SYCP2: variants seen among roughly 807,000 people sequenced by gnomAD.
SYCP2 encodes the protein synaptonemal complex lateral element protein.
In SYCP2, 55 loss-of-function variants were observed where a neutral mutation model predicts 211.3. The observed-to-expected ratio is 0.26, with a 90% CI of 0.21 to 0.33. The LOEUF (loss-of-function observed/expected upper bound fraction) is 0.33. Among genes scored for constraint, SYCP2 ranks in the 10% least tolerant of loss-of-function variants. The pLI, the probability that SYCP2 is intolerant of heterozygous loss-of-function variation, is 1.00. For synonymous variants in SYCP2, 570 were observed against 555.2 expected (o/e 1.03, Z -0.37); for missense variants, 1,731 against 1,752.0 (o/e 0.99, Z 0.21).
chr20:59,892,473 A>T, intron 23 of SYCP2, 47 bp from the exon 24 acceptor site: 1 of 1,462,910 alleles, frequency 6.8e-7, no homozygotes, highest in Non-Finnish European at 9.2e-7. Flanking sequence ...TAATAAGTTG[A>T]CATATGTAAA....
At chr20:59,866,846 T>C (rs1228312982) in intron 39 of SYCP2, among the ~76,000 whole-genome samples, 1 of 151,496 alleles carries the variant, frequency 6.6e-6, no homozygotes, top group Non-Finnish European at 1.5e-5. Context: ...CACTCTACAG[T>C]ATTTACAAAA....
intron 31 of SYCP2, among the ~76,000 whole-genome samples, chr20:59,878,411 TTTC>T (rs1246647645): frequency 2.0e-5 from 3 of 152,130 alleles, no homozygotes; most frequent in Non-Finnish European, 2.9e-5. Context: ...CTGTAAAGTG[TTTC>T]TTATGATATG....
At position 59,866,496 on chromosome 20, in the gene SYCP2, T is replaced by G; in HGVS notation, c.4219A>C (p.Arg1407=). Reference sequence around the variant, plus strand: ...TCAGAACAGATTTTTATTACAGACCTAGAGTCCTGACTTTGATGATTCATT... The same window carrying G: ...TCAGAACAGATTTTTATTACAGACCGAGAGTCCTGACTTTGATGATTCATT... ...RTMNHQSQDS[R]IKKLDKFQFI... The change falls in exon 40 of 45, where the codon AGG becomes CGG. Residue 1407 remains arginine (R), a splice_region_variant and synonymous_variant. Coordinates refer to ENST00000357552, the MANE Select transcript of SYCP2 (RefSeq NM_014258.4). 3.7e-6 allele frequency: 6 copies of G among 1,607,520 alleles called. 1 individual carries two copies. Among genetic ancestry groups the G allele is most frequent in the Middle Eastern group, 1.7e-4 (1 of 6,032 alleles).
rs61741892 is a variant in SYCP2 at position 59,877,512 on chromosome 20, G to A, written c.3023C>T (p.Pro1008Leu). ...NITKKMDKTI[P>L]EGRIRLPRKA... ...TCGTGGAAGTCTGATTCTTCCTTCC[G>A]GAATTGTCTTGTCCATCTTTTTTGT... The change falls in exon 33 of 45, where the codon CCG becomes CTG. Residue 1008 changes from proline (P) to leucine (L), a missense_variant. Pro to Leu is a moderately conservative substitution (Grantham distance 98). Around this residue, in one of 3 missense-constraint regions of SYCP2, gnomAD observed 1,387 missense variants for 1,351.3 expected, o/e 1.03. Coordinates refer to ENST00000357552, the MANE Select transcript of SYCP2 (RefSeq NM_014258.4). The A allele has an allele frequency of 2.3e-3, 3,696 of 1,601,460 alleles. 59 individuals are homozygous for A. The African/African-American group carries it at 0.04, about 17-fold the overall frequency.
chr20:59,927,888 T>C (rs1205304900), intron 2 of SYCP2, among the ~76,000 whole-genome samples: 1 of 152,190 alleles, frequency 6.6e-6, no homozygotes, highest in Non-Finnish European at 1.5e-5. Context: ...CTGGAAGCTC[T>C]GCCCCTGTGA....
chr20:59,900,040 A>T, intron 18 of SYCP2, 98 bp downstream of exon 18: 2 of 1,286,020 alleles, frequency 1.6e-6, no homozygotes, highest in Non-Finnish European at 2.2e-6. Flanking sequence ...ATCAAGGCCA[A>T]TAATATATAA....
At chr20:59,919,943 T>C (rs547699063) in intron 5 of SYCP2, among the ~76,000 whole-genome samples, 3 of 151,896 alleles carry the variant, frequency 2.0e-5, no homozygotes, top group South Asian at 2.1e-4. Flanking sequence ...AAAGTTTTCA[T>C]ATTATTTTAC....
chr20:59,913,493 T>G (rs773497948), intron 12 of SYCP2, among the ~76,000 whole-genome samples: 13 of 152,180 alleles, frequency 8.5e-5, no homozygotes, highest in African/African-American at 2.2e-4. Flanking sequence ...AAATTTATAT[T>G]ACACATCCTT....
intron 30 of SYCP2, 38 bp from the exon 31 acceptor site, chr20:59,880,509 C>CAT: frequency 7.9e-7 from 1 of 1,259,072 alleles, no homozygotes; most frequent in Non-Finnish European, 1.1e-6. Context: ...AGAAATACTA[C>CAT]ATCTCATTAT....
At chr20:59,919,620 T>TA in intron 5 of SYCP2, 23 bp from the exon 6 acceptor site, 2 of 1,408,450 alleles carry the variant, frequency 1.4e-6, no homozygotes, top group Non-Finnish European at 2.0e-6. Flanking sequence ...ATGAACTTAT[T>TA]AGAGTTCCAT....
At chr20:59,895,316 G>GA (rs1485874850) in intron 20 of SYCP2, 121 bp downstream of exon 20, 4 of 761,902 alleles carry the variant, frequency 5.3e-6, no homozygotes, top group Admixed American at 3.5e-5. Flanking sequence ...ATATTTAGGG[G>GA]AAAAAAGGTA....
chr20:59,892,025 C>T lies in SYCP2; in HGVS notation c.2329G>A (p.Glu777Lys). The change falls in exon 24 of 45, where the codon GAG becomes AAG. Residue 777 changes from glutamate (E) to lysine (K), a missense_variant. Glu to Lys is a moderately conservative substitution (Grantham distance 56). Coordinates refer to ENST00000357552, the MANE Select transcript of SYCP2 (RefSeq NM_014258.4). ...TGTTTCGAATCCCAGGAATTAAGCTCAGAAGTCAATTCTTTCTCTGCTTTT... is the reference window on the plus strand; with the variant it reads ...TGTTTCGAATCCCAGGAATTAAGCTTAGAAGTCAATTCTTTCTCTGCTTTT... ...HRKAEKELTS[E>K]LNSWDSKQKK... The T allele has an allele frequency of 6.2e-7, 1 of 1,603,364 alleles. No homozygotes were observed. The highest frequency in any genetic ancestry group is 8.5e-7 in the Non-Finnish European group (1 of 1,176,314).
At position 59,914,337 on chromosome 20, in the gene SYCP2, A is replaced by C. The variant is rs898929982; in HGVS notation, c.635-86T>G. On this transcript the variant is annotated intron_variant, in intron 10 of 44. Transcript: ENST00000357552. ...ATATATTTTACAAGGTATTAGAATA[A>C]GCAAGAGAAATAAGAATATATTAAT... is the stretch of plus-strand genomic sequence containing the variant. 1.3e-5 allele frequency: 9 copies of C among 698,102 alleles called. No individual in the cohort carries two copies. The African/African-American group carries it at 1.6e-4, about 13-fold the overall frequency. 43.2% of individuals were successfully genotyped at this position (698,102 alleles called of 1,614,324 possible).
chr20:59,915,247 T>C (rs1290367896), intron 9 of SYCP2, 48 bp from the exon 10 acceptor site: 2 of 1,356,130 alleles, frequency 1.5e-6, no homozygotes, highest in Admixed American at 1.9e-5. Context: ...ATCAATTAAA[T>C]AGGAAGTCCA....
intron 24 of SYCP2, among the ~76,000 whole-genome samples, chr20:59,888,758 A>G (rs1047109249): frequency 2.6e-5 from 4 of 152,092 alleles, no homozygotes; most frequent in Non-Finnish European, 4.4e-5. Context: ...AGAATTAGCA[A>G]CAAAACTACT....
At position 59,902,970 on chromosome 20, in the gene SYCP2, G is replaced by T. The variant is rs542090728; in HGVS notation, c.1034-1160C>A. 2.0e-5 allele frequency among the ~76,000 whole-genome samples: 3 copies of T among 152,114 alleles called. 1 individual carries two copies. The South Asian group carries it at 6.2e-4, about 32-fold the overall frequency. ...GCTGATTGTTTTATTCCTCTGATAT[G>T]CTTTTGACTTTTTTTCTATAGCTTA... On this transcript the variant is annotated intron_variant, in intron 15 of 44. Transcript: ENST00000357552.
At position 59,869,706 on chromosome 20, in the gene SYCP2, A is replaced by G. The variant is rs990359468; in HGVS notation, c.3741+92T>C. On this transcript the variant is annotated intron_variant, in intron 36 of 44. Coordinates refer to ENST00000357552, the MANE Select transcript of SYCP2 (RefSeq NM_014258.4). The stretch of plus-strand genomic sequence containing the variant: ...GTAATAACAGTTGAAAAGCATTAAA[A>G]TATTATAATTACCACTAAAGGTCAG... 8 of 672,076 alleles carry G rather than the reference A, an allele frequency of 1.2e-5. No homozygotes were observed. The African/African-American group carries it at 1.5e-4, about 12-fold the overall frequency. The allele number at this position is 672,076 out of a possible 1,614,324, so 41.6% of individuals were successfully genotyped here.
chr20:59,892,115 T>G lies in SYCP2; in HGVS notation c.2239A>C (p.Lys747Gln). The change falls in exon 24 of 45, where the codon AAA becomes CAA. Residue 747 changes from lysine (K) to glutamine (Q), a missense_variant. Lys to Gln is a moderately conservative substitution (Grantham distance 53). Around this residue, in one of 3 missense-constraint regions of SYCP2, gnomAD observed 1,387 missense variants for 1,351.3 expected, o/e 1.03. Transcript: ENST00000357552. ...TCGCAAGTAGCAGTATTCACATCTT[T>G]TGACAATATGTATTTCTTCCTATAT... The part of the protein sequence containing the change: ...LIYRKKYILS[K>Q]DVNTATCDKN... 1 of 1,612,332 alleles carries G rather than the reference T, an allele frequency of 6.2e-7. No homozygotes were observed. The highest frequency in any genetic ancestry group is 1.7e-5 in the Admixed American group (1 of 59,782).
chr20:59,889,590 C>A (rs1407403767), intron 24 of SYCP2, among the ~76,000 whole-genome samples: 26 of 151,898 alleles, frequency 1.7e-4, no homozygotes, highest in Non-Finnish European at 3.7e-4. Flanking sequence ...ACAAAATTTA[C>A]TATTTTAACC....
Sources: allele counts gnomAD v4.1 joint callset (sites outside exome capture counted in the v4.1 genomes callset), GRCh38; gene constraint gnomAD v4.1.1; regional missense constraint gnomAD v4.1.1; transcripts MANE v1.5; gene names NCBI Gene and HGNC (gene_info 2026-07-23, HGNC 2026-07-21).